Variants in SFMBT1 observed in about 807,000 individuals in gnomAD.
SFMBT1 encodes Scm like with four mbt domains 1, also known as scm-like with four MBT domains protein 1.
SFMBT1 carries 32 observed loss-of-function variants against 108.7 expected under a neutral mutation model. The ratio of observed to expected loss-of-function variants is 0.29; its 90% CI spans 0.22 to 0.40. The LOEUF (loss-of-function observed/expected upper bound fraction) is 0.40. Ranked by LOEUF, SFMBT1 falls within the 10% of genes least tolerant of loss-of-function variation. The pLI, the probability that SFMBT1 is intolerant of heterozygous loss-of-function variation, is 1.00. For synonymous variants in SFMBT1, 348 were observed against 369.5 expected (o/e 0.94, Z 0.67); for missense variants, 816 against 1,059.6 (o/e 0.77, Z 3.19).
chr3:53,019,640 A>G (rs1241619622), intron 1 of SFMBT1, among the ~76,000 whole-genome samples: 1 of 152,172 alleles, frequency 6.6e-6, no homozygotes. Context: ...GAGTCTAGCC[A>G]CCATGAATTT....
At position 52,954,252 on chromosome 3, in the gene SFMBT1, T is replaced by C. The variant is rs556373085; in HGVS notation, c.123+65A>G. 1.1e-3 allele frequency: 1,324 copies of C among 1,204,928 alleles called. 7 individuals are homozygous for C. The highest frequency in any genetic ancestry group is 4.5e-3 in the South Asian group (335 of 74,990). The allele number at this position is 1,204,928 out of a possible 1,614,324, so 74.6% of individuals were successfully genotyped here. On this transcript the variant is annotated intron_variant, in intron 3 of 20. Transcript: ENST00000394752. ...ATTAAAATAACTTTAAATTCTCTAA[T>C]GATAATACAGAGATTCGAAATAAAG...
At chr3:52,937,714 C>T (rs1043797289) in intron 4 of SFMBT1, among the ~76,000 whole-genome samples, 5 of 152,016 alleles carry the variant, frequency 3.3e-5, no homozygotes, top group Non-Finnish European at 7.4e-5. Context: ...TCCTGAGTAG[C>T]TGGGATTACT....
chr3:52,909,996 C>T (rs1205402113), intron 17 of SFMBT1, among the ~76,000 whole-genome samples: 3 of 152,164 alleles, frequency 2.0e-5, no homozygotes, highest in African/African-American at 7.2e-5. Context: ...CCCTTGATGC[C>T]CCCTCCCCAG....
chr3:52,998,761 C>T (rs532210584), intron 1 of SFMBT1, among the ~76,000 whole-genome samples: 2 of 150,796 alleles, frequency 1.3e-5, no homozygotes, highest in East Asian at 3.9e-4. Flanking sequence ...CAACAGGGGG[C>T]CAGCCCTGTC....
intron 8 of SFMBT1, among the ~76,000 whole-genome samples, chr3:52,929,061 T>TA: frequency 6.6e-6 from 1 of 152,188 alleles, no homozygotes; most frequent in East Asian, 1.9e-4. Context: ...AAACAGAGGT[T>TA]AAATAACTTG....
At chr3:52,934,714 G>T in intron 5 of SFMBT1, 99 bp downstream of exon 5, 1 of 959,994 alleles carries the variant, frequency 1.0e-6, no homozygotes, top group East Asian at 2.7e-5. Context: ...TAATAATAAC[G>T]TTTATTTTCT....
chr3:52,935,447 G>A (rs1316088924), intron 4 of SFMBT1, among the ~76,000 whole-genome samples: 1 of 152,180 alleles, frequency 6.6e-6, no homozygotes, highest in Non-Finnish European at 1.5e-5. Flanking sequence ...GACAGAGATT[G>A]TATGACTAGT....
intron 16 of SFMBT1, 120 bp from the exon 17 acceptor site, chr3:52,911,298 T>C: frequency 1.1e-6 from 1 of 950,096 alleles, no homozygotes; most frequent in South Asian, 1.9e-5. Flanking sequence ...ATGTCCTTTA[T>C]AGTTCAAGGG....
At chr3:52,972,434 C>G (rs1427792711) in intron 1 of SFMBT1, among the ~76,000 whole-genome samples, 1 of 152,106 alleles carries the variant, frequency 6.6e-6, no homozygotes, top group Admixed American at 6.6e-5. Context: ...TTATTGTTAG[C>G]CTGCTGTCTT....
At chr3:52,940,999 C>T (rs140420215) in intron 4 of SFMBT1, among the ~76,000 whole-genome samples, 215 of 152,192 alleles carry the variant, frequency 1.4e-3, no homozygotes, top group Non-Finnish European at 2.8e-3. Flanking sequence ...GAATGACTGG[C>T]CTGTACTCTT....
At chr3:53,022,554 A>G (rs1699351583) in intron 1 of SFMBT1, among the ~76,000 whole-genome samples, 1 of 152,134 alleles carries the variant, frequency 6.6e-6, no homozygotes, top group Non-Finnish European at 1.5e-5. Flanking sequence ...CACTATAGAC[A>G]TACAGTGGAA....
chr3:52,934,010 A>G (rs1331827929), intron 5 of SFMBT1, among the ~76,000 whole-genome samples: 1 of 152,234 alleles, frequency 6.6e-6, no homozygotes, highest in African/African-American at 2.4e-5. Context: ...ATTCAACTCA[A>G]TAATAAAAAG....
chr3:52,976,802 T>C (rs1403640897), intron 1 of SFMBT1, among the ~76,000 whole-genome samples: 1 of 152,204 alleles, frequency 6.6e-6, no homozygotes, highest in Non-Finnish European at 1.5e-5. Flanking sequence ...AGGTCAGATA[T>C]GAACGATAAT....
chr3:52,926,917 C>T (rs1176184925), intron 9 of SFMBT1, among the ~76,000 whole-genome samples: 1 of 152,146 alleles, frequency 6.6e-6, no homozygotes, highest in Non-Finnish European at 1.5e-5. Flanking sequence ...AGACTGGCAC[C>T]ATGTTCTCCC....
At chr3:52,932,432 T>A (rs1410517365) in intron 5 of SFMBT1, 124 bp from the exon 6 acceptor site, 3 of 864,950 alleles carry the variant, frequency 3.5e-6, no homozygotes, top group African/African-American at 3.4e-5. Flanking sequence ...CCAGTGACAC[T>A]AAATTGTCTA....
At chr3:53,018,727 T>C (rs1699205560) in intron 1 of SFMBT1, among the ~76,000 whole-genome samples, 1 of 152,202 alleles carries the variant, frequency 6.6e-6, no homozygotes, top group Non-Finnish European at 1.5e-5. Context: ...GACCTTCCAA[T>C]TGCTAAATCC....
chr3:53,044,029 C>T (rs888539107), intron 1 of SFMBT1, among the ~76,000 whole-genome samples: 6 of 152,156 alleles, frequency 3.9e-5, no homozygotes. Context: ...GTTATCAGGG[C>T]ATATACATAT....
chr3:53,008,479 T>C (rs1698825042), intron 1 of SFMBT1, among the ~76,000 whole-genome samples: 1 of 152,194 alleles, frequency 6.6e-6, no homozygotes, highest in African/African-American at 2.4e-5. Context: ...AATGTTCTCT[T>C]TGTAAAAGTA....
At chr3:52,962,001 G>T (rs537782387) in intron 2 of SFMBT1, among the ~76,000 whole-genome samples, 54 of 152,274 alleles carry the variant, frequency 3.5e-4, no homozygotes, top group African/African-American at 1.3e-3. Context: ...GTTTATTAAA[G>T]AAATAAATGC....
Sources: gnomAD v4.1 joint callset for allele counts (sites outside exome capture counted in the v4.1 genomes callset) on GRCh38, gnomAD v4.1.1 for gene constraint, MANE v1.5 for transcripts, NCBI Gene and HGNC (gene_info 2026-07-23, HGNC 2026-07-21) for gene names.